The following ZMIZ1 variants were observed in gnomAD, a reference collection of about 807,000 sequenced individuals.
The protein encoded by ZMIZ1 is zinc finger MIZ-type containing 1, also known as zinc finger MIZ domain-containing protein 1.
ZMIZ1 carries 17 observed loss-of-function variants against 113.9 expected under a neutral mutation model. That is an observed-to-expected ratio of 0.15 (90% CI 0.10 to 0.22). The LOEUF (loss-of-function observed/expected upper bound fraction) is 0.22. Among genes scored for constraint, ZMIZ1 ranks in the 10% least tolerant of loss-of-function variants. The pLI is 1.00. For missense variants in ZMIZ1, 1,059 were observed against 1,477.8 expected (o/e 0.72, Z 4.65); for synonymous variants, 607 against 603.1 (o/e 1.01, Z -0.09).
At chr10:79,089,869 A>T (rs1456104177) in intron 1 of ZMIZ1, among the ~76,000 whole-genome samples, 1 of 151,542 alleles carries the variant, frequency 6.6e-6, no homozygotes, top group East Asian at 1.9e-4. Context: ...TGGCTTTCGG[A>T]AGGGAGGGGA....
chr10:79,285,972 A>G (rs1297548409), intron 8 of ZMIZ1, among the ~76,000 whole-genome samples: 1 of 152,200 alleles, frequency 6.6e-6, no homozygotes, highest in Admixed American at 6.5e-5. Flanking sequence ...TGCTGCTGAC[A>G]TTGCAGATGG....
intron 1 of ZMIZ1, among the ~76,000 whole-genome samples, chr10:79,071,806 G>A (rs955794094): frequency 2.6e-5 from 4 of 152,142 alleles, no homozygotes; most frequent in Admixed American, 1.3e-4. Flanking sequence ...CATTTGGAGG[G>A]AGATGGTGTT....
Position 79,296,791 on chromosome 10 carries a change from C to T in ZMIZ1, c.1413+138C>T, listed in dbSNP as rs1853926420. On this transcript the variant is annotated intron_variant, in intron 13 of 24. Transcript: ENST00000334512. The surrounding 1 kb of genome is among the most constrained non-coding windows in gnomAD (Gnocchi z 4.1). ...AGGGGTGGGTGATTTCTGAACGTCC[C>T]CATGTGTTCAGGGCGAAGTTCGGTG... The T allele has an allele frequency of 1.2e-6, 1 of 837,302 alleles. No individual in the cohort carries two copies. The highest frequency in any genetic ancestry group is 1.8e-5 in the African/African-American group (1 of 55,908). The allele number at this position is 837,302 out of a possible 1,614,324, so 51.9% of individuals were successfully genotyped here.
chr10:79,201,136 C>T (rs1300115377), intron 4 of ZMIZ1, among the ~76,000 whole-genome samples: 11 of 152,118 alleles, frequency 7.2e-5, no homozygotes, highest in Admixed American at 1.3e-4. Context: ...GGTGAAACTC[C>T]GTCTCCACTA....
intron 1 of ZMIZ1, among the ~76,000 whole-genome samples, chr10:79,098,580 A>G (rs1027142658): frequency 6.6e-6 from 1 of 152,258 alleles, no homozygotes; most frequent in Admixed American, 6.5e-5. Flanking sequence ...TTACTTTTGC[A>G]TAATGAGCTC....
At chr10:79,100,626 G>GC (rs1843331713) in intron 1 of ZMIZ1, among the ~76,000 whole-genome samples, 1 of 152,162 alleles carries the variant, frequency 6.6e-6, no homozygotes, top group Admixed American at 6.5e-5. Flanking sequence ...GATCTGATTT[G>GC]CAGACCAGTA....
At chr10:79,148,180 A>G (rs1029214358) in intron 3 of ZMIZ1, among the ~76,000 whole-genome samples, 7 of 152,136 alleles carry the variant, frequency 4.6e-5, no homozygotes, top group African/African-American at 1.7e-4. Context: ...CCAAGTCTGT[A>G]TGGGGCCCAC....
At chr10:79,167,451 C>T (rs1231641795) in intron 4 of ZMIZ1, among the ~76,000 whole-genome samples, 2 of 152,144 alleles carry the variant, frequency 1.3e-5, no homozygotes, top group African/African-American at 4.8e-5. Flanking sequence ...TTGCAGAGCA[C>T]AGGCTGTCTC....
At chr10:79,284,079 G>A (rs750738544) in intron 8 of ZMIZ1, among the ~76,000 whole-genome samples, 16 of 152,318 alleles carry the variant, frequency 1.1e-4, no homozygotes, top group Middle Eastern at 3.4e-3. Context: ...CCCTCCCCCC[G>A]CGTTCCTTTC....
chr10:79,123,093 T>A (rs1043624355), intron 2 of ZMIZ1, among the ~76,000 whole-genome samples: 1 of 151,802 alleles, frequency 6.6e-6, no homozygotes, highest in Non-Finnish European at 1.5e-5. Context: ...GGGGCAGAGG[T>A]GAGAAGGCCC....
At chr10:79,114,477 C>G (rs11497812) in intron 1 of ZMIZ1, among the ~76,000 whole-genome samples, 4,533 of 63,966 alleles carry the variant, frequency 0.071, 99 homozygotes, top group African/African-American at 0.12. Context: ...GTGTGTGTGT[C>G]TGTGTGTGTG....
At chr10:79,306,701 T>G (rs1158745803) in intron 22 of ZMIZ1, among the ~76,000 whole-genome samples, 1 of 152,194 alleles carries the variant, frequency 6.6e-6, no homozygotes, top group Non-Finnish European at 1.5e-5. Flanking sequence ...GCCTCAGCCT[T>G]TGGCCACCAA....
rs1348111852 is a variant in ZMIZ1 at position 79,305,621 on chromosome 10, G to A, written c.2423+20G>A. ...CCAACAGTAAGTGGGGCCCTAGCGAGGGGCAGGGGGTGGGAGGGGACGAGG... is the reference window on the plus strand; with the variant it reads ...CCAACAGTAAGTGGGGCCCTAGCGAAGGGCAGGGGGTGGGAGGGGACGAGG... On this transcript the variant is annotated intron_variant, in intron 21 of 24. Transcript: ENST00000334512. 6.2e-7 allele frequency: 1 copy of A among 1,611,808 alleles called. No homozygotes were observed. The highest frequency in any genetic ancestry group is 1.3e-5 in the African/African-American group (1 of 74,902).
intron 1 of ZMIZ1, among the ~76,000 whole-genome samples, chr10:79,086,132 A>G (rs1423165979): frequency 6.6e-6 from 1 of 152,144 alleles, no homozygotes; most frequent in Non-Finnish European, 1.5e-5. Flanking sequence ...TCTCACCTCA[A>G]CTCACAAAAT....
At chr10:79,293,273 TCC>T (rs974858742) in intron 11 of ZMIZ1, 106 bp from the exon 12 acceptor site, 7 of 1,412,242 alleles carry the variant, frequency 5.0e-6, no homozygotes, top group Non-Finnish European at 6.7e-6. Flanking sequence ...CAGTGCCCCC[TCC>T]CCACTCCTCC....
At chr10:79,145,276 C>T (rs780156) in intron 3 of ZMIZ1, among the ~76,000 whole-genome samples, 94,774 of 151,890 alleles carry the variant, frequency 0.62, 30,693 homozygotes, top group African/African-American at 0.8. Flanking sequence ...CCCAGTGCTC[C>T]TCCTCTCCTG....
intron 1 of ZMIZ1, among the ~76,000 whole-genome samples, chr10:79,085,284 G>A (rs1204590573): frequency 6.7e-6 from 1 of 148,822 alleles, no homozygotes; most frequent in Non-Finnish European, 1.5e-5. Flanking sequence ...GGCTGGTTCT[G>A]GGGGCTCAGC....
intron 1 of ZMIZ1, among the ~76,000 whole-genome samples, chr10:79,099,269 C>T (rs573075291): frequency 2.2e-4 from 34 of 152,114 alleles, no homozygotes; most frequent in Non-Finnish European, 4.6e-4. Context: ...TGTGCTGGTG[C>T]TGGATACCAG....
chr10:79,135,969 G>C (rs1012950776), intron 2 of ZMIZ1, among the ~76,000 whole-genome samples: 1 of 149,186 alleles, frequency 6.7e-6, no homozygotes, highest in East Asian at 2.1e-4. Flanking sequence ...TACACAATCA[G>C]GGGAAGCTGG....
Sources: gnomAD v4.1 joint callset for allele counts (sites outside exome capture counted in the v4.1 genomes callset) on GRCh38, gnomAD v4.1.1 for gene constraint, Gnocchi (gnomAD v3.1) non-coding constraint, MANE v1.5 for transcripts, NCBI Gene and HGNC (gene_info 2026-07-23, HGNC 2026-07-21) for gene names.